The following RBMS3 variants were observed in gnomAD, a reference collection of about 807,000 sequenced individuals.
The protein encoded by RBMS3 is RNA binding motif single stranded interacting protein 3.
In RBMS3, 27 loss-of-function variants were observed where a neutral mutation model predicts 66.8. The observed-to-expected ratio is 0.40, with a 90% confidence interval of 0.30 to 0.56. The LOEUF (loss-of-function observed/expected upper bound fraction) is 0.56, where lower values mean the gene tolerates loss of function less well. RBMS3 is among the 20% of genes least tolerant of loss of function. The pLI is 0.40. For synonymous variants in RBMS3, 188 were observed against 183.0 expected, an observed-to-expected ratio of 1.03 and a Z score of -0.22; for missense variants, 513 against 549.5, an observed-to-expected ratio of 0.93 and a Z score of 0.66.
chr3:29,740,099 G>A (rs1325971691), intron 5 of RBMS3, among the ~76,000 whole-genome samples: 2 of 151,914 alleles, frequency 1.3e-5, no homozygotes, highest in Admixed American at 6.6e-5. Context: ...CGTAGAATGT[G>A]TTTATGTGTC....
Position 29,281,438 on chromosome 3 carries a change from T to C in RBMS3, c.-244T>C, listed in dbSNP as rs542178148. On this transcript the variant is annotated 5_prime_UTR_variant, in exon 1 of 15. Coordinates refer to ENST00000383767, the MANE Select transcript of RBMS3 (RefSeq NM_001003793.3). ...AGCCAGGCAAGATCTGGGAAGGCTG[T>C]GTGTGGGTGTTTTTTCTACAGATCT... 1.1e-4 allele frequency: 57 copies of C among 529,604 alleles called. No individual in the cohort carries two copies. In the East Asian group the frequency reaches 1.9e-3, roughly 18 times the overall value. The allele number at this position is 529,604 out of a possible 1,614,324, so 32.8% of individuals were successfully genotyped here. A position where few individuals can be genotyped will look rare whatever the true frequency, so the allele number is the denominator to read the frequency against.
chr3:29,389,487 G>C (rs1250940976), intron 1 of RBMS3, among the ~76,000 whole-genome samples: 1 of 152,132 alleles, frequency 6.6e-6, no homozygotes, highest in Non-Finnish European at 1.5e-5. Context: ...ACATCCTTAG[G>C]CATAATTTTT....
intron 1 of RBMS3, among the ~76,000 whole-genome samples, chr3:29,432,762 G>T: frequency 6.6e-6 from 1 of 152,194 alleles, no homozygotes; most frequent in Non-Finnish European, 1.5e-5. Context: ...GTTGTAGGAT[G>T]ATACTTAATT....
chr3:29,833,198 T>C (rs2058419109), intron 6 of RBMS3, among the ~76,000 whole-genome samples: 1 of 152,194 alleles, frequency 6.6e-6, no homozygotes, highest in African/African-American at 2.4e-5. Context: ...GGATTAAAAC[T>C]GAAGGAGATA....
intron 12 of RBMS3, among the ~76,000 whole-genome samples, chr3:29,969,447 T>C (rs1697080265): frequency 6.6e-6 from 1 of 152,228 alleles, no homozygotes; most frequent in Non-Finnish European, 1.5e-5. Context: ...ACTACATGTT[T>C]TTTTCTTTAT....
At chr3:29,901,123 G>A (rs1003859171) in intron 10 of RBMS3, among the ~76,000 whole-genome samples, 2 of 151,664 alleles carry the variant, frequency 1.3e-5, no homozygotes, top group African/African-American at 4.8e-5. Context: ...AGGGCTTTCT[G>A]AGTTCATCTA....
chr3:29,734,494 A>G (rs1000247892), intron 4 of RBMS3, among the ~76,000 whole-genome samples: 1 of 152,144 alleles, frequency 6.6e-6, no homozygotes, highest in African/African-American at 2.4e-5. Flanking sequence ...TCATATATCA[A>G]AATATCACTT....
intron 1 of RBMS3, among the ~76,000 whole-genome samples, chr3:29,398,756 A>G (rs1427693116): frequency 6.6e-6 from 1 of 152,164 alleles, no homozygotes; most frequent in Non-Finnish European, 1.5e-5. Flanking sequence ...AGTGATGCAA[A>G]AAATGTTTAC....
intron 4 of RBMS3, among the ~76,000 whole-genome samples, chr3:29,638,480 T>G (rs2049557391): frequency 6.6e-6 from 1 of 151,842 alleles, no homozygotes; most frequent in Admixed American, 6.6e-5. Flanking sequence ...ATCATGTGGC[T>G]TATAAGATTT....
In RBMS3 at chr3:29,991,163, G is replaced by C; in HGVS notation, c.1261G>C (p.Asp421His). Residue 421 changes from aspartate (D) to histidine (H), a missense_variant, in exon 14 of 15, where the codon GAC (aspartate) becomes CAC (histidine). Coordinates refer to ENST00000383767, the MANE Select transcript of RBMS3 (RefSeq NM_001003793.3). Reference protein sequence around the residue: ...TSGQQQQIAVDTSNEHAPAYS... With the variant: ...TSGQQQQIAVHTSNEHAPAYS... ...TGGTCAGCAGCAACAGATAGCAGTGGACACATCCAACGAACATGCACCTGC... is the reference window on the plus strand; with the variant it reads ...TGGTCAGCAGCAACAGATAGCAGTGCACACATCCAACGAACATGCACCTGC... The C allele has an allele frequency of 6.2e-7, 1 of 1,614,074 alleles. No individual in the cohort carries two copies. The highest frequency in any genetic ancestry group is 8.5e-7 in the Non-Finnish European group (1 of 1,180,008).
chr3:29,775,168 G>A (rs946319434), intron 6 of RBMS3, among the ~76,000 whole-genome samples: 7 of 151,660 alleles, frequency 4.6e-5, no homozygotes, highest in African/African-American at 1.2e-4. Context: ...GAGAACCTAC[G>A]TATGTTCTAG....
intron 3 of RBMS3, among the ~76,000 whole-genome samples, chr3:29,512,920 C>T (rs2044472372): frequency 6.6e-6 from 1 of 152,310 alleles, no homozygotes; most frequent in Middle Eastern, 3.4e-3. Flanking sequence ...GAAAGCGCTG[C>T]TTGTCTGCTC....
At chr3:29,339,586 T>C (rs1221402985) in intron 1 of RBMS3, among the ~76,000 whole-genome samples, 1 of 151,818 alleles carries the variant, frequency 6.6e-6, no homozygotes, top group Non-Finnish European at 1.5e-5. Flanking sequence ...TAACTTTTTT[T>C]TTTTTTTAAG....
intron 6 of RBMS3, among the ~76,000 whole-genome samples, chr3:29,775,315 GT>G (rs2056389274): frequency 1.3e-5 from 2 of 148,324 alleles, no homozygotes; most frequent in South Asian, 4.2e-4. Flanking sequence ...TATAGTGAGT[GT>G]TTTGTTTTAT....
intron 4 of RBMS3, among the ~76,000 whole-genome samples, chr3:29,674,586 C>T (rs1206312061): frequency 6.6e-6 from 1 of 152,026 alleles, no homozygotes; most frequent in Non-Finnish European, 1.5e-5. Flanking sequence ...GTGCAAAAAT[C>T]ACAAGCATTC....
chr3:29,627,038 C>A (rs1013589308), intron 4 of RBMS3, among the ~76,000 whole-genome samples: 1 of 152,062 alleles, frequency 6.6e-6, no homozygotes, highest in Non-Finnish European at 1.5e-5. Flanking sequence ...TCTTAGTTTC[C>A]TTATCTGAAA....
Position 29,703,108 on chromosome 3 carries a change from G to T in RBMS3, c.400-36612G>T, listed in dbSNP as rs1484577234. Among the ~76,000 whole-genome samples the T allele has an allele frequency of 2.6e-5, 4 of 152,178 alleles. No homozygotes were observed. In the East Asian group the frequency reaches 7.7e-4, roughly 29 times the overall value. ...CAAAGCAGCTATTTTAGGTGTGATTGTTTATTACAATAATTCTCACTTACA... is the reference window on the plus strand; with the variant it reads ...CAAAGCAGCTATTTTAGGTGTGATTTTTTATTACAATAATTCTCACTTACA... On this transcript the variant is annotated intron_variant, in intron 4 of 14. Coordinates refer to ENST00000383767, the MANE Select transcript of RBMS3 (RefSeq NM_001003793.3).
intron 1 of RBMS3, among the ~76,000 whole-genome samples, chr3:29,375,485 A>T (rs1559528960): frequency 6.6e-6 from 1 of 152,234 alleles, no homozygotes; most frequent in Non-Finnish European, 1.5e-5. Flanking sequence ...AGCATCTACA[A>T]GGAACTTAAA....
At position 29,360,157 on chromosome 3, in the gene RBMS3, C is replaced by A. The variant is rs189496731; in HGVS notation, c.76-74586C>A. ...TGATGTTAGGGTGTCAATTTTAGAT[C>A]TTTTCTGCTTTCTCTTGTGGGCATT... On this transcript the variant is annotated intron_variant, in intron 1 of 14. Coordinates refer to ENST00000383767, the MANE Select transcript of RBMS3 (RefSeq NM_001003793.3). Among the ~76,000 whole-genome samples, 16 of 152,128 alleles carry A rather than the reference C, an allele frequency of 1.1e-4. No homozygotes were observed. The East Asian group carries it at 2.5e-3, about 24-fold the overall frequency.
Sources: gnomAD v4.1 joint callset for allele counts (sites outside exome capture counted in the v4.1 genomes callset) on GRCh38, gnomAD v4.1.1 for gene constraint, MANE v1.5 for transcripts, NCBI Gene and HGNC (gene_info 2026-07-23, HGNC 2026-07-21) for gene names.